The following MYOC variants were observed in gnomAD, a reference collection of about 807,000 sequenced individuals.
MYOC encodes the protein myocilin, also known as juvenile-onset open-angle glaucoma 1.
Under a neutral mutation model 28.2 loss-of-function variants are expected in MYOC, and 29 were observed. That is an observed-to-expected ratio of 1.03 (90% CI 0.77 to 1.40). MYOC has a LOEUF of 1.40. MYOC is among the 40% of genes most tolerant of loss of function. MYOC has a pLI of 0.00. For missense variants in MYOC, 569 were observed against 620.6 expected (o/e 0.92, Z 0.88); for synonymous variants, 240 against 245.6 (o/e 0.98, Z 0.21).
intron 1 of MYOC, among the ~76,000 whole-genome samples, chr1:171,643,697 G>T (rs1367571603): frequency 6.6e-6 from 1 of 152,132 alleles, no homozygotes; most frequent in Non-Finnish European, 1.5e-5. Context: ...GAGTTGCTGG[G>T]CATGGTGGCT....
intron 1 of MYOC, among the ~76,000 whole-genome samples, chr1:171,641,139 GT>G (rs1443723813): frequency 6.6e-6 from 1 of 152,102 alleles, no homozygotes; most frequent in Non-Finnish European, 1.5e-5. Flanking sequence ...CTGTGCATGT[GT>G]GGGGGCCAGT....
chr1:171,648,835 C>T (rs970452552), intron 1 of MYOC, among the ~76,000 whole-genome samples: 6 of 150,398 alleles, frequency 4.0e-5, no homozygotes, highest in African/African-American at 1.2e-4. Flanking sequence ...TACAGGTGCC[C>T]GCCACCACAC....
At chr1:171,638,899 G>A in intron 1 of MYOC, 177 bp from the exon 2 acceptor site, 1 of 572,274 alleles carries the variant, frequency 1.7e-6, no homozygotes, top group East Asian at 3.5e-5. Context: ...TTCGAGACCA[G>A]CCTGGCCAAC....
intron 1 of MYOC, among the ~76,000 whole-genome samples, chr1:171,649,948 A>G (rs186697088): frequency 2.8e-4 from 43 of 152,296 alleles, no homozygotes; most frequent in African/African-American, 9.4e-4. Flanking sequence ...CCGGATGCTC[A>G]TTAGGTCCCT....
intron 1 of MYOC, among the ~76,000 whole-genome samples, chr1:171,642,248 G>A (rs1368672841): frequency 6.6e-6 from 1 of 152,210 alleles, no homozygotes; most frequent in Non-Finnish European, 1.5e-5. Context: ...AAGTGTTAAT[G>A]CCCTGGAGGT....
At chr1:171,641,207 T>C (rs1307257121) in intron 1 of MYOC, among the ~76,000 whole-genome samples, 1 of 61,710 alleles carries the variant, frequency 1.6e-5, no homozygotes, top group Non-Finnish European at 3.0e-5. Context: ...ATAAAACTGC[T>C]CTAAAAAAAA....
Position 171,635,834 on chromosome 1 carries a change from G to T in MYOC, c.*91C>A. 7.2e-7 allele frequency: 1 copy of T among 1,389,354 alleles called. No homozygotes were observed. The allele number at this position is 1,389,354 out of a possible 1,614,324, so 86.1% of individuals were successfully genotyped here. A position where few individuals can be genotyped will look rare whatever the true frequency, so the allele number is the denominator to read the frequency against. ...CTTGGAAAGCAGTCAAAGCTGCCTG[G>T]GCCCTGGCTGGCTGGCTCTCCCTTC... On this transcript the variant is annotated 3_prime_UTR_variant, in exon 3 of 3. Coordinates refer to ENST00000037502, the MANE Select transcript of MYOC (RefSeq NM_000261.2).
intron 1 of MYOC, among the ~76,000 whole-genome samples, chr1:171,651,250 C>T (rs1272412310): frequency 1.3e-5 from 2 of 152,136 alleles, no homozygotes; most frequent in African/African-American, 4.8e-5. Context: ...ACTTCCTCAA[C>T]AGGGAATATT....
chr1:171,646,737 C>T (rs1040114078), intron 1 of MYOC, among the ~76,000 whole-genome samples: 2 of 152,068 alleles, frequency 1.3e-5, no homozygotes, highest in Non-Finnish European at 2.9e-5. Flanking sequence ...CCTCGTGATC[C>T]GCCTGCCTCA....
chr1:171,651,910 G>A, intron 1 of MYOC, 98 bp downstream of exon 1: 7 of 1,552,344 alleles, frequency 4.5e-6, no homozygotes, highest in Non-Finnish European at 6.2e-6. Flanking sequence ...GCAGTCTCTA[G>A]GAGAAAGGGC....
intron 2 of MYOC, 99 bp downstream of exon 2, chr1:171,638,498 C>A: frequency 7.0e-7 from 1 of 1,426,594 alleles, no homozygotes; most frequent in Middle Eastern, 1.8e-4. Flanking sequence ...TTAATTTCCC[C>A]CTTGGGTGGG....
In MYOC at chr1:171,636,169, T is replaced by C; in HGVS notation, c.1271A>G (p.Gln424Arg). The change falls in exon 3 of 3, where the codon CAG becomes CGG. Residue 424 changes from glutamine (Q) to arginine (R), a missense_variant. Gln to Arg is a conservative substitution (Grantham distance 43). Coordinates refer to ENST00000037502, the MANE Select transcript of MYOC (RefSeq NM_000261.2). The stretch of plus-strand genomic sequence containing the variant: ...GATGATGAAGGCATTGGCGACTGAC[T>C]GCTTACGGATGTTTGTCTCCCAGGT... ...EQTWETNIRK[Q>R]SVANAFIICG... 1 of 1,614,182 alleles carries C rather than the reference T, an allele frequency of 6.2e-7. No individual in the cohort carries two copies. The highest frequency in any genetic ancestry group is 8.5e-7 in the Non-Finnish European group (1 of 1,180,034).
chr1:171,651,051 C>G (rs1653339715), intron 1 of MYOC, among the ~76,000 whole-genome samples: 1 of 152,090 alleles, frequency 6.6e-6, no homozygotes, highest in Middle Eastern at 3.2e-3. Context: ...GCCTTTTTCC[C>G]CCTTGGATGA....
intron 1 of MYOC, among the ~76,000 whole-genome samples, chr1:171,646,544 T>C (rs545932225): frequency 1.0e-3 from 155 of 151,220 alleles, no homozygotes; most frequent in Non-Finnish European, 1.8e-3. Context: ...TCACCCAGGC[T>C]GGAGTACAGT....
chr1:171,651,903 G>A, intron 1 of MYOC, 105 bp downstream of exon 1: 1 of 1,499,900 alleles, frequency 6.7e-7, no homozygotes, highest in East Asian at 2.3e-5. Context: ...TAGCTGTGCA[G>A]TCTCTAGGAG....
In MYOC at chr1:171,652,472, C is replaced by G. The variant is rs1218795611; in HGVS notation, c.140G>C (p.Cys47Ser). ...ACTGGCCACACTGAAGGTATACTGG[C>G]ATCGGCCACTCTGGTCATTGGCCTT... ...LRKANDQSGR[C>S]QYTFSVASPN... Residue 47 changes from cysteine to serine, a missense_variant, in exon 1 of 3, where the codon TGC (cysteine) becomes TCC (serine). By Grantham distance (112) the Cys-to-Ser change is moderately radical. Transcript: ENST00000037502. The G allele has an allele frequency of 1.4e-5, 22 of 1,614,112 alleles. No individual in the cohort carries two copies. Among genetic ancestry groups the G allele is most frequent in the Non-Finnish European group, 1.8e-5 (21 of 1,180,052 alleles).
At chr1:171,650,087 G>A (rs1281566846) in intron 1 of MYOC, among the ~76,000 whole-genome samples, 4 of 151,878 alleles carry the variant, frequency 2.6e-5, no homozygotes, top group African/African-American at 7.3e-5. Flanking sequence ...TGGAGTAGCT[G>A]GAAAGATCAA....
At chr1:171,638,163 A>G (rs919774242) in intron 2 of MYOC, among the ~76,000 whole-genome samples, 1 of 152,220 alleles carries the variant, frequency 6.6e-6, no homozygotes, top group East Asian at 1.9e-4. Flanking sequence ...TAAGTGGCCA[A>G]AGTTCAGAAA....
At chr1:171,648,426 C>T (rs1653255506) in intron 1 of MYOC, among the ~76,000 whole-genome samples, 2 of 151,946 alleles carry the variant, frequency 1.3e-5, no homozygotes, top group African/African-American at 4.8e-5. Context: ...GCTTTCCTGC[C>T]TTCCCTGTCT....
Sources: allele counts gnomAD v4.1 joint callset (sites outside exome capture counted in the v4.1 genomes callset), GRCh38; gene constraint gnomAD v4.1.1; transcripts MANE v1.5; gene names NCBI Gene and HGNC (gene_info 2026-07-23, HGNC 2026-07-21).